The following CCDC60 variants were observed in gnomAD, a reference collection of about 807,000 sequenced individuals.
The protein encoded by CCDC60 is coiled-coil domain-containing protein 60.
In CCDC60, 54 loss-of-function variants were observed where a neutral mutation model predicts 63.5. The observed-to-expected ratio is 0.85, with a 90% CI of 0.68 to 1.07. The LOEUF (loss-of-function observed/expected upper bound fraction) is 1.07, where lower values mean the gene tolerates loss of function less well. Ranked by LOEUF, CCDC60 falls within the 50% of genes least tolerant of loss-of-function variation. The pLI is 0.00. For missense variants in CCDC60, 651 were observed against 684.3 expected (o/e 0.95, Z 0.54); for synonymous variants, 206 against 238.8 (o/e 0.86, Z 1.27).
At position 119,376,134 on chromosome 12, in the gene CCDC60, T is replaced by C. The variant is rs145871398; in HGVS notation, c.90+40868T>C. On this transcript the variant is annotated intron_variant, in intron 1 of 13. Coordinates refer to ENST00000327554, the MANE Select transcript of CCDC60 (RefSeq NM_178499.5). Reference sequence around the variant, plus strand: ...TATTTCATTAATAACAAAGAAAGCATGGCCACCTTCAGAAAAACGCACTTG... The same window carrying C: ...TATTTCATTAATAACAAAGAAAGCACGGCCACCTTCAGAAAAACGCACTTG... Among the ~76,000 whole-genome samples the C allele has an allele frequency of 3.0e-3, 460 of 152,324 alleles. 3 individuals carry two copies. Among genetic ancestry groups the C allele is most frequent in the African/African-American group, 0.01 (429 of 41,580 alleles).
Position 119,400,036 on chromosome 12 carries a change from A to C in CCDC60, c.91-28647A>C, listed in dbSNP as rs897507405. 1.8e-4 allele frequency among the ~76,000 whole-genome samples: 27 copies of C among 148,880 alleles called. 1 individual carries two copies. Among genetic ancestry groups the C allele is most frequent in the Non-Finnish European group, 4.5e-5 (3 of 67,344 alleles). ...CCCACCTTAGTATAAATTAGCCTAC[A>C]GGTTGGTTTCCTTTTTTTTTTTTTT... On this transcript the variant is annotated intron_variant, in intron 1 of 13. Coordinates refer to ENST00000327554, the MANE Select transcript of CCDC60 (RefSeq NM_178499.5).
chr12:119,470,364 C>T (rs1401176742), intron 2 of CCDC60, among the ~76,000 whole-genome samples: 1 of 152,208 alleles, frequency 6.6e-6, no homozygotes, highest in Admixed American at 6.5e-5. Context: ...TGTGCAGCCC[C>T]AGTCCCCTGA....
rs560435613 is a variant in CCDC60 at position 119,384,386 on chromosome 12, A to G, written c.91-44297A>G. Among the ~76,000 whole-genome samples the G allele has an allele frequency of 2.6e-5, 4 of 152,344 alleles. No homozygotes were observed. In the East Asian group the frequency reaches 7.7e-4, roughly 29 times the overall value. ...TCCTCCCTGCAGCTTCACCACTAAT[A>G]AAGGCAGCTGGGTGATGAGTTTCTG... On this transcript the variant is annotated intron_variant, in intron 1 of 13. Transcript: ENST00000327554.
At chr12:119,528,785 G>A (rs761818379) in intron 12 of CCDC60, 39 bp downstream of exon 12, 1 of 1,597,124 alleles carries the variant, frequency 6.3e-7, no homozygotes, top group East Asian at 2.2e-5. Flanking sequence ...GTCCCTGGAA[G>A]AGAACAGGGT....
At chr12:119,525,812 A>G (rs1253383640) in intron 11 of CCDC60, among the ~76,000 whole-genome samples, 1 of 152,230 alleles carries the variant, frequency 6.6e-6, no homozygotes, top group East Asian at 1.9e-4. Context: ...AGGAAGAATC[A>G]ATATCACTAA....
At chr12:119,381,298 A>G (rs768949131) in intron 1 of CCDC60, among the ~76,000 whole-genome samples, 3 of 152,202 alleles carry the variant, frequency 2.0e-5, no homozygotes, top group Non-Finnish European at 4.4e-5. Context: ...TTGGCTCAAT[A>G]TCTCCATTAA....
At chr12:119,458,066 C>G (rs989827827) in intron 2 of CCDC60, among the ~76,000 whole-genome samples, 1 of 152,148 alleles carries the variant, frequency 6.6e-6, no homozygotes, top group Non-Finnish European at 1.5e-5. Flanking sequence ...CATTTTTGCC[C>G]TCTCTTCCTC....
chr12:119,348,276 G>A (rs1398472860), intron 1 of CCDC60, among the ~76,000 whole-genome samples: 1 of 152,150 alleles, frequency 6.6e-6, no homozygotes, highest in Non-Finnish European at 1.5e-5. Context: ...AGAGCATTCT[G>A]CAGGGTCTTT....
rs79882772 is a variant in CCDC60 at position 119,409,271 on chromosome 12, C to T, written c.91-19412C>T. ...TTGTCTTAGCAACAGTGTTGCTCAA[C>T]CTCAGCACTCTTGAAAGTTTGGAGC... On this transcript the variant is annotated intron_variant, in intron 1 of 13. Coordinates refer to ENST00000327554, the MANE Select transcript of CCDC60 (RefSeq NM_178499.5). Among the ~76,000 whole-genome samples the T allele has an allele frequency of 9.2e-3, 1,399 of 152,212 alleles. 27 individuals carry two copies. The highest frequency in any genetic ancestry group is 0.031 in the African/African-American group (1,299 of 41,518).
chr12:119,488,736 G>A lies in CCDC60; in HGVS notation c.450-23G>A, dbSNP rs762539498. 7 of 1,604,404 alleles carry A rather than the reference G, an allele frequency of 4.4e-6. No individual in the cohort carries two copies. In the South Asian group the frequency reaches 6.6e-5, roughly 15 times the overall value. On this transcript the variant is annotated intron_variant, in intron 4 of 13. Coordinates refer to ENST00000327554, the MANE Select transcript of CCDC60 (RefSeq NM_178499.5). ...AGTTGTTCTAACAGGATCCCACTGT[G>A]TTCCCTCTCTCTGTCTTTGCAGCGA... is the stretch of plus-strand genomic sequence containing the variant.
intron 1 of CCDC60, among the ~76,000 whole-genome samples, chr12:119,343,595 G>C (rs1486749522): frequency 6.6e-6 from 1 of 151,338 alleles, no homozygotes; most frequent in African/African-American, 2.4e-5. Context: ...AGTGCTGTTG[G>C]AAAGAACATT....
intron 11 of CCDC60, among the ~76,000 whole-genome samples, chr12:119,525,060 C>T (rs976635106): frequency 6.6e-6 from 1 of 152,112 alleles, no homozygotes. Context: ...ATTTATGTAT[C>T]ATTTAATGCT....
At position 119,335,085 on chromosome 12, in the gene CCDC60, C is replaced by A; in HGVS notation, c.-92C>A. The stretch of plus-strand genomic sequence containing the variant: ...GACTTGGGGATCAGGGAGAAGTTGC[C>A]GAAACTTCTCATACCAGTAACTACT... On this transcript the variant is annotated 5_prime_UTR_variant, in exon 1 of 14. Coordinates refer to ENST00000327554, the MANE Select transcript of CCDC60 (RefSeq NM_178499.5). 9.6e-7 allele frequency: 1 copy of A among 1,046,332 alleles called. No individual in the cohort carries two copies. The highest frequency in any genetic ancestry group is 1.6e-5 in the South Asian group (1 of 62,598). 64.8% of individuals were successfully genotyped at this position (1,046,332 alleles called of 1,614,324 possible).
At chr12:119,354,778 C>A (rs1644900169) in intron 1 of CCDC60, among the ~76,000 whole-genome samples, 1 of 152,224 alleles carries the variant, frequency 6.6e-6, no homozygotes, top group African/African-American at 2.4e-5. Flanking sequence ...ACCAGGGTCA[C>A]AGAGCACTCA....
In CCDC60 at chr12:119,511,340, T is replaced by A. The variant is rs571893819; in HGVS notation, c.884-5283T>A. 3.3e-5 allele frequency among the ~76,000 whole-genome samples: 5 copies of A among 152,346 alleles called. No homozygotes were observed. The South Asian group carries it at 1.0e-3, about 32-fold the overall frequency. The stretch of plus-strand genomic sequence containing the variant: ...TTCTGCATAATGAAGTCTTTGTTGA[T>A]GCAAATCACTGGAGACAGCAGGTTG... On this transcript the variant is annotated intron_variant, in intron 7 of 13. Coordinates refer to ENST00000327554, the MANE Select transcript of CCDC60 (RefSeq NM_178499.5).
chr12:119,339,785 G>T (rs1261375505), intron 1 of CCDC60, among the ~76,000 whole-genome samples: 2 of 152,228 alleles, frequency 1.3e-5, no homozygotes, highest in Non-Finnish European at 2.9e-5. Context: ...TCCAGCCGGG[G>T]TGACAGAGCG....
intron 4 of CCDC60, among the ~76,000 whole-genome samples, chr12:119,484,405 A>G (rs905195280): frequency 2.6e-5 from 4 of 152,052 alleles, no homozygotes; most frequent in African/African-American, 7.2e-5. Context: ...TATTATCTCA[A>G]TGGTTCTGTG....
chr12:119,524,791 T>C (rs1053929814), intron 11 of CCDC60, among the ~76,000 whole-genome samples: 1 of 144,826 alleles, frequency 6.9e-6, no homozygotes, highest in African/African-American at 2.6e-5. Flanking sequence ...GGCATGATCA[T>C]ACCTTACTGC....
intron 7 of CCDC60, among the ~76,000 whole-genome samples, chr12:119,515,256 G>A (rs1174377198): frequency 2.0e-5 from 3 of 152,028 alleles, no homozygotes; most frequent in Non-Finnish European, 4.4e-5. Flanking sequence ...TAGCAGAGAG[G>A]GTCACACAAT....
Sources: gnomAD v4.1 joint callset for allele counts (sites outside exome capture counted in the v4.1 genomes callset) on GRCh38, gnomAD v4.1.1 for gene constraint, MANE v1.5 for transcripts, NCBI Gene and HGNC (gene_info 2026-07-23, HGNC 2026-07-21) for gene names.